CLYBL: variants seen among roughly 807,000 people sequenced by gnomAD.
CLYBL encodes the protein citramalyl-CoA lyase, mitochondrial.
In CLYBL, 31 loss-of-function variants were observed where a neutral mutation model predicts 38.9. The observed-to-expected ratio is 0.80, with a 90% CI of 0.60 to 1.08. The LOEUF (loss-of-function observed/expected upper bound fraction) is 1.08, where lower values mean the gene tolerates loss of function less well. Ranked by LOEUF, CLYBL falls within the 50% of genes least tolerant of loss-of-function variation. The pLI, the probability that CLYBL is intolerant of heterozygous loss-of-function variation, is 0.00. For synonymous variants in CLYBL, 171 were observed against 158.6 expected (o/e 1.08, Z -0.59); for missense variants, 434 against 411.6 (o/e 1.05, Z -0.47).
At chr13:99,744,788 T>C (rs181422911) in intron 1 of CLYBL, among the ~76,000 whole-genome samples, 5 of 152,212 alleles carry the variant, frequency 3.3e-5, no homozygotes, top group Admixed American at 2.6e-4. Context: ...GAGGGCTCAA[T>C]GGGGAGTGTG....
chr13:99,895,655 G>C (rs1162472584), downstream of CLYBL: 1 of 152,210 alleles, frequency 6.6e-6, no homozygotes, highest in Non-Finnish European at 1.5e-5. Flanking sequence ...GGCTGGTTTT[G>C]GAGGGGGTGG....
chr13:99,864,890 G>C lies in CLYBL; in HGVS notation c.613G>C (p.Glu205Gln). ...TCTAGATGCAGTCGTTTTTGGAGGA[G>C]AAGACTTTCGAGCCAGCATAGGTGT... ...LFLDAVVFGGEDFRASIGATS... is the reference protein window; with the variant it reads ...LFLDAVVFGGQDFRASIGATS... Residue 205 changes from glutamate (E) to glutamine (Q), a missense_variant, in exon 5 of 9, where the codon GAA (glutamate) becomes CAA (glutamine). Glu to Gln is a conservative substitution (Grantham distance 29, BLOSUM62 2). Coordinates refer to ENST00000339105, the MANE Select transcript of CLYBL (RefSeq NM_206808.5). The C allele has an allele frequency of 6.2e-7, 1 of 1,613,258 alleles. No individual in the cohort carries two copies. Among genetic ancestry groups the C allele is most frequent in the Non-Finnish European group, 8.5e-7 (1 of 1,179,262 alleles).
chr13:99,637,186 T>C (rs2047030090), intron 1 of CLYBL, among the ~76,000 whole-genome samples: 1 of 152,236 alleles, frequency 6.6e-6, no homozygotes. Flanking sequence ...ATTTAAACTT[T>C]ATCTTTGTAA....
intron 1 of CLYBL, among the ~76,000 whole-genome samples, chr13:99,662,510 C>CTTTTTT (rs34634591): frequency 1.6e-5 from 2 of 122,380 alleles, no homozygotes; most frequent in Admixed American, 8.3e-5. Context: ...ATCTTTAAAA[C>CTTTTTT]TTTTTTTTTT....
chr13:99,656,508 C>T (rs1220155715), intron 1 of CLYBL, among the ~76,000 whole-genome samples: 1 of 152,150 alleles, frequency 6.6e-6, no homozygotes, highest in African/African-American at 2.4e-5. Flanking sequence ...CCTTAAAAAC[C>T]TGGCAGAAAT....
At chr13:99,737,619 T>C (rs2806281) in intron 1 of CLYBL, among the ~76,000 whole-genome samples, 97,604 of 152,028 alleles carry the variant, frequency 0.64, 31,531 homozygotes, top group East Asian at 0.7. Flanking sequence ...CCTTGAAGCA[T>C]AGACTAGAGG....
chr13:99,811,006 G>T lies in CLYBL; in HGVS notation c.249+37996G>T, dbSNP rs140100305. 5.0e-3 allele frequency among the ~76,000 whole-genome samples: 765 copies of T among 152,272 alleles called. 7 individuals are homozygous for T. The highest frequency in any genetic ancestry group is 8.9e-3 in the Non-Finnish European group (608 of 68,034). On this transcript the variant is annotated intron_variant, in intron 2 of 8. Coordinates refer to ENST00000339105, the MANE Select transcript of CLYBL (RefSeq NM_206808.5). Reference sequence around the variant, plus strand: ...AGATAAAAAATTTTAGGAGAGCCACGTTCCGGTTCTGAAGGAGCAAAGACC... The same window carrying T: ...AGATAAAAAATTTTAGGAGAGCCACTTTCCGGTTCTGAAGGAGCAAAGACC...
chr13:99,849,840 G>C lies in CLYBL; in HGVS notation c.250-9021G>C, dbSNP rs2051289947. Among the ~76,000 whole-genome samples the C allele has an allele frequency of 6.6e-6, 1 of 152,206 alleles. No homozygotes were observed. Among genetic ancestry groups the C allele is most frequent in the Non-Finnish European group, 1.5e-5 (1 of 68,036 alleles). ...CAGTTGCCAGTCAGGGCCAGGGCAA[G>C]GCAGCCAAGGAGGCAGACAGAAGTA... On this transcript the variant is annotated intron_variant, in intron 2 of 8. Coordinates refer to ENST00000339105, the MANE Select transcript of CLYBL (RefSeq NM_206808.5). This position sits in a 1 kb window ranked among gnomAD's most constrained non-coding sequence, Gnocchi z 4.9.
At chr13:99,711,238 T>A (rs930457326) in intron 1 of CLYBL, among the ~76,000 whole-genome samples, 1 of 152,016 alleles carries the variant, frequency 6.6e-6, no homozygotes, top group Non-Finnish European at 1.5e-5. Context: ...GGGTGTCTTA[T>A]AAGCAACAGA....
At chr13:99,645,039 TTGGGATTGC>T (rs774856599) in intron 1 of CLYBL, among the ~76,000 whole-genome samples, 13 of 152,220 alleles carry the variant, frequency 8.5e-5, no homozygotes, top group Non-Finnish European at 1.8e-4. Context: ...ATACCTAGCA[TTGGGATTGC>T]TGGGTCATAT....
intron 1 of CLYBL, among the ~76,000 whole-genome samples, chr13:99,654,735 G>A (rs534962071): frequency 4.7e-4 from 72 of 152,202 alleles, no homozygotes; most frequent in Admixed American, 1.6e-3. Flanking sequence ...GCCGGATGCC[G>A]TGGCTCACGC....
intron 8 of CLYBL, among the ~76,000 whole-genome samples, chr13:99,903,810 A>G (rs1296463119): frequency 2.6e-5 from 4 of 152,224 alleles, no homozygotes; most frequent in Non-Finnish European, 5.9e-5. Context: ...TGATTTCCTT[A>G]CTTACTTTTG....
chr13:99,758,667 G>A (rs1301907729), intron 1 of CLYBL, among the ~76,000 whole-genome samples: 1 of 152,168 alleles, frequency 6.6e-6, no homozygotes, highest in Non-Finnish European at 1.5e-5. Context: ...TGCCGTGACT[G>A]GGCTTCTGCC....
intron 2 of CLYBL, among the ~76,000 whole-genome samples, chr13:99,828,960 G>A (rs2050751107): frequency 6.6e-6 from 1 of 152,126 alleles, no homozygotes; most frequent in African/African-American, 2.4e-5. Flanking sequence ...TCCTCGTGAC[G>A]GAAGACAGGG....
intron 2 of CLYBL, among the ~76,000 whole-genome samples, chr13:99,833,953 G>T (rs972905693): frequency 6.6e-6 from 1 of 151,992 alleles, no homozygotes; most frequent in African/African-American, 2.4e-5. Flanking sequence ...GCCCACCTCA[G>T]CCTGCCAAAG....
intron 1 of CLYBL, among the ~76,000 whole-genome samples, chr13:99,760,751 A>G (rs1212730468): frequency 6.6e-6 from 1 of 151,950 alleles, no homozygotes; most frequent in African/African-American, 2.4e-5. Flanking sequence ...TTGATAAGAG[A>G]TATACATAGT....
chr13:99,781,683 G>A (rs2049658358), intron 2 of CLYBL, among the ~76,000 whole-genome samples: 2 of 151,532 alleles, frequency 1.3e-5, no homozygotes, highest in African/African-American at 4.9e-5. Flanking sequence ...TCATCATGTT[G>A]GCCAGGCTGA....
chr13:99,824,183 A>G (rs1477237000), intron 2 of CLYBL, among the ~76,000 whole-genome samples: 1 of 152,018 alleles, frequency 6.6e-6, no homozygotes, highest in East Asian at 1.9e-4. Context: ...AGATTCCGGA[A>G]TGGTTGGAAT....
At chr13:99,847,963 T>C (rs1398878700) in intron 2 of CLYBL, among the ~76,000 whole-genome samples, 8 of 151,858 alleles carry the variant, frequency 5.3e-5, no homozygotes, top group Admixed American at 2.6e-4. Flanking sequence ...TGTCTGCCTG[T>C]CTGTCTGTCT....
Sources: gnomAD v4.1 joint callset for allele counts (sites outside exome capture counted in the v4.1 genomes callset) on GRCh38, gnomAD v4.1.1 for gene constraint, Gnocchi (gnomAD v3.1) non-coding constraint, MANE v1.5 for transcripts, NCBI Gene and HGNC (gene_info 2026-07-23, HGNC 2026-07-21) for gene names.